Variants in AIG1 observed in about 807,000 individuals in gnomAD.
AIG1 encodes androgen-induced gene 1 protein.
A neutral mutation model predicts 31.4 loss-of-function variants in AIG1; 23 were observed. The observed-to-expected ratio is 0.73, with a 90% CI of 0.53 to 1.04. The LOEUF is 1.04. Among genes scored for constraint, AIG1 ranks in the 50% least tolerant of loss-of-function variants. AIG1 has a pLI of 0.00. For missense variants in AIG1, 274 were observed against 295.0 expected (o/e 0.93, Z 0.52); for synonymous variants, 100 against 110.5 (o/e 0.90, Z 0.60).
At chr6:143,226,434 T>C (rs1206552638) in intron 3 of AIG1, among the ~76,000 whole-genome samples, 1 of 151,690 alleles carries the variant, frequency 6.6e-6, no homozygotes, top group Non-Finnish European at 1.5e-5. Context: ...TTAGTAGAGA[T>C]GGGGTTTCAC....
intron 3 of AIG1, among the ~76,000 whole-genome samples, chr6:143,224,253 T>C (rs1223718016): frequency 6.6e-6 from 1 of 152,206 alleles, no homozygotes; most frequent in Non-Finnish European, 1.5e-5. Context: ...AAACCGGAAC[T>C]CCTCATCTTT....
chr6:143,150,778 A>G (rs971051638), intron 2 of AIG1, among the ~76,000 whole-genome samples: 2 of 152,324 alleles, frequency 1.3e-5, no homozygotes, highest in Non-Finnish European at 2.9e-5. Context: ...TTGGATCCCC[A>G]GGTTCCCTTC....
chr6:143,067,899 A>T (rs1776869515), intron 1 of AIG1, among the ~76,000 whole-genome samples: 1 of 152,210 alleles, frequency 6.6e-6, no homozygotes, highest in African/African-American at 2.4e-5. Flanking sequence ...ACCCTAAAAT[A>T]TGCATATAAA....
In AIG1 at chr6:143,087,458, G is replaced by T. The variant is rs557774440; in HGVS notation, c.141+26392G>T. On this transcript the variant is annotated intron_variant, in intron 1 of 5. Transcript: ENST00000357847. The stretch of plus-strand genomic sequence containing the variant: ...GGTGCTTAGCCGTGCCCGAACATTG[G>T]TGAGACTTTAGTCTGATCAGAGCAG... 7.2e-5 allele frequency among the ~76,000 whole-genome samples: 11 copies of T among 152,340 alleles called. No homozygotes were observed. The East Asian group carries it at 1.3e-3, about 19-fold the overall frequency.
Position 143,182,509 on chromosome 6 carries a change from A to ACCT in AIG1, c.399+17334_399+17336dup, listed in dbSNP as rs148429564. Among the ~76,000 whole-genome samples, 426 of 151,732 alleles carry ACCT rather than the reference A, an allele frequency of 2.8e-3. 1 individual carries two copies. The highest frequency in any genetic ancestry group is 0.01 in the African/African-American group (415 of 41,346). Reference sequence around the variant, plus strand: ...AGAGATTTGCTTAGTTCACTTCTCTACCTCCTCCTCACCTTTTTAGTAATA... The same window carrying ACCT: ...AGAGATTTGCTTAGTTCACTTCTCTACCTCCTCCTCCTCACCTTTTTAGTAATA... On this transcript the variant is annotated intron_variant, in intron 3 of 5. Coordinates refer to ENST00000357847, the MANE Select transcript of AIG1 (RefSeq NM_016108.4).
chr6:143,198,489 C>G (rs192808551), intron 3 of AIG1, among the ~76,000 whole-genome samples: 7 of 152,334 alleles, frequency 4.6e-5, no homozygotes, highest in Admixed American at 2.6e-4. Context: ...ATAAAACTGA[C>G]ATTGTTGAGT....
intron 1 of AIG1, among the ~76,000 whole-genome samples, chr6:143,065,890 A>G (rs1213639800): frequency 6.6e-6 from 1 of 152,232 alleles, no homozygotes. Flanking sequence ...TTAAAGATTG[A>G]AACATATCTG....
chr6:143,253,087 T>G (rs1795129108), intron 3 of AIG1, among the ~76,000 whole-genome samples: 1 of 152,158 alleles, frequency 6.6e-6, no homozygotes, highest in African/African-American at 2.4e-5. Flanking sequence ...AGAAGCGACA[T>G]CCTATCACTT....
In AIG1 at chr6:143,331,636, CTGTGTGTGTGTATATA is replaced by C. The variant is rs1373791753; in HGVS notation, c.516-1630_516-1615del. Among the ~76,000 whole-genome samples the C allele has an allele frequency of 1.3e-5, 2 of 151,490 alleles. No homozygotes were observed. Among genetic ancestry groups the C allele is most frequent in the African/African-American group, 4.9e-5 (2 of 41,230 alleles). On this transcript the variant is annotated intron_variant, in intron 4 of 5. Transcript: ENST00000357847. The surrounding 1 kb of genome is among the most constrained non-coding windows in gnomAD (Gnocchi z 4.1). ...TGTTTCTATATACATATATGTACAT[CTGTGTGTGTGTATATA>C]TGTGTGTGTGTATATGTGTGTGTGT...
At chr6:143,152,338 T>C (rs1785315705) in intron 2 of AIG1, among the ~76,000 whole-genome samples, 1 of 152,248 alleles carries the variant, frequency 6.6e-6, no homozygotes, top group South Asian at 2.1e-4. Flanking sequence ...AATATTCATA[T>C]TAATGTAATT....
At chr6:143,266,215 C>T (rs1399072347) in intron 3 of AIG1, among the ~76,000 whole-genome samples, 4 of 150,630 alleles carry the variant, frequency 2.7e-5, no homozygotes, top group Non-Finnish European at 5.9e-5. Flanking sequence ...AGCATGGTGG[C>T]GAGCGCCTGT....
chr6:143,150,349 A>G (rs1479909203), intron 2 of AIG1, among the ~76,000 whole-genome samples: 2 of 152,214 alleles, frequency 1.3e-5, no homozygotes, highest in Non-Finnish European at 2.9e-5. Context: ...AAAGTAAGGA[A>G]AATGGAAAGA....
At chr6:143,248,398 T>C (rs530771507) in intron 3 of AIG1, among the ~76,000 whole-genome samples, 1 of 152,278 alleles carries the variant, frequency 6.6e-6, no homozygotes, top group East Asian at 1.9e-4. Flanking sequence ...TCCAGTACCC[T>C]CAAATATAGG....
At chr6:143,307,370 G>A (rs1390807771) in intron 4 of AIG1, among the ~76,000 whole-genome samples, 5 of 152,080 alleles carry the variant, frequency 3.3e-5, no homozygotes, top group Non-Finnish European at 1.5e-5. Flanking sequence ...TGTACAGATG[G>A]GTTTTTGATG....
intron 4 of AIG1, among the ~76,000 whole-genome samples, chr6:143,332,870 A>C (rs1322879593): frequency 6.6e-6 from 1 of 152,208 alleles, no homozygotes; most frequent in Non-Finnish European, 1.5e-5. Context: ...GAGACTGCGG[A>C]GATGTGAAGA....
intron 3 of AIG1, among the ~76,000 whole-genome samples, chr6:143,277,957 G>T (rs1490806035): frequency 6.6e-6 from 1 of 152,284 alleles, no homozygotes; most frequent in East Asian, 1.9e-4. Flanking sequence ...TCATCCGTCT[G>T]ACTTGCCTGG....
chr6:143,070,821 A>G (rs1329078866), intron 1 of AIG1, among the ~76,000 whole-genome samples: 1 of 152,220 alleles, frequency 6.6e-6, no homozygotes, highest in African/African-American at 2.4e-5. Context: ...TTAAGCTTCC[A>G]CATGAATTTT....
Position 143,333,235 on chromosome 6 carries a change from C to A in AIG1, c.516-47C>A, listed in dbSNP as rs1777219311. ...TGCATCATAGCAGCTTTGATGCCTG[C>A]CATAAGAGTGACTCCTGTCCTTGTC... On this transcript the variant is annotated intron_variant, in intron 4 of 5. Coordinates refer to ENST00000357847, the MANE Select transcript of AIG1 (RefSeq NM_016108.4). The surrounding 1 kb of genome is among the most constrained non-coding windows in gnomAD (Gnocchi z 4.6). The A allele has an allele frequency of 6.5e-7, 1 of 1,544,516 alleles. No homozygotes were observed. Among genetic ancestry groups the A allele is most frequent in the Non-Finnish European group, 8.7e-7 (1 of 1,144,870 alleles).
chr6:143,108,241 T>C (rs1218490645), intron 1 of AIG1, among the ~76,000 whole-genome samples: 1 of 152,190 alleles, frequency 6.6e-6, no homozygotes, highest in East Asian at 1.9e-4. Flanking sequence ...TTAAAAATCA[T>C]TCCAGATTTA....
Sources: gnomAD v4.1 joint callset for allele counts (sites outside exome capture counted in the v4.1 genomes callset) on GRCh38, gnomAD v4.1.1 for gene constraint, Gnocchi (gnomAD v3.1) non-coding constraint, MANE v1.5 for transcripts, NCBI Gene and HGNC (gene_info 2026-07-23, HGNC 2026-07-21) for gene names.